HDAC8: variants seen among roughly 807,000 people sequenced by gnomAD.
HDAC8 encodes the protein histone deacetylase 8.
A neutral mutation model predicts 32.2 loss-of-function variants in HDAC8; 1 was observed. That is an observed-to-expected ratio of 0.03 (90% CI 0.01 to 0.15). The LOEUF is 0.15. HDAC8 is among the 10% of genes least tolerant of loss of function. HDAC8 has a pLI of 1.00. For synonymous variants in HDAC8, 108 were observed against 113.9 expected (o/e 0.95, Z 0.33); for missense variants, 117 against 300.0 (o/e 0.39, Z 4.51).
chrX:72,509,187 A>G (rs1308724359), intron 4 of HDAC8, among the ~76,000 whole-genome samples: 1 of 107,759 alleles, frequency 9.3e-6, no homozygotes, highest in Non-Finnish European at 1.9e-5. Flanking sequence ...CGCAACCTCC[A>G]CCTCTCCACC....
chrX:72,416,989 T>C (rs1160354106), intron 9 of HDAC8, among the ~76,000 whole-genome samples: 1 of 111,460 alleles, frequency 9.0e-6, no homozygotes, highest in Non-Finnish European at 1.9e-5. Context: ...TTTTTAATTG[T>C]TTTAATATTA....
At chrX:72,386,234 A>G (rs1260561718) in intron 9 of HDAC8, among the ~76,000 whole-genome samples, 1 of 112,204 alleles carries the variant, frequency 8.9e-6, no homozygotes, top group Admixed American at 9.4e-5. Context: ...TATTGAATGA[A>G]AAAAGCAGAT....
chrX:72,511,016 T>C (rs2049565170), intron 4 of HDAC8, among the ~76,000 whole-genome samples: 1 of 111,661 alleles, frequency 9.0e-6, no homozygotes, highest in Admixed American at 9.5e-5. Flanking sequence ...ATTTAGTCAC[T>C]ATCCTCTATC....
chrX:72,550,877 G>C (rs1328802998), intron 4 of HDAC8, among the ~76,000 whole-genome samples: 7 of 110,760 alleles, frequency 6.3e-5, no homozygotes, highest in African/African-American at 2.3e-4. Context: ...GCCCTCAAGT[G>C]TTTGCTAATG....
In HDAC8 at chrX:72,467,707, C is replaced by A. The variant is rs782215809; in HGVS notation, c.738-2976G>T. On this transcript the variant is annotated intron_variant, in intron 7 of 10. Coordinates refer to ENST00000373573, the MANE Select transcript of HDAC8 (RefSeq NM_018486.3). ...TGCTTTGAAGGCATAATTAGATTTC[C>A]ATTTTAAAGATACTCAAGCTCTATT... The A allele has an allele frequency of 1.3e-5, 4 of 311,592 alleles. No homozygotes were observed. In the Admixed American group the frequency reaches 2.6e-4, roughly 20 times the overall value. The allele number at this position is 311,592 out of a possible 1,213,427, so 25.7% of individuals were successfully genotyped here. A position where few individuals can be genotyped will look rare whatever the true frequency, so the allele number is the denominator to read the frequency against.
intron 4 of HDAC8, among the ~76,000 whole-genome samples, chrX:72,537,673 T>C (rs150132563): frequency 0.027 from 3,000 of 112,141 alleles, 52 homozygotes; most frequent in Non-Finnish European, 0.043. Context: ...TTGTTAGTTG[T>C]CTGGAATAAA....
intron 9 of HDAC8, among the ~76,000 whole-genome samples, chrX:72,424,773 T>C (rs908863089): frequency 3.6e-5 from 4 of 112,007 alleles, no homozygotes; most frequent in Non-Finnish European, 7.5e-5. Context: ...TCTATGACTT[T>C]GCCTATTGTA....
chrX:72,392,582 C>A (rs782013594), intron 9 of HDAC8, among the ~76,000 whole-genome samples: 3 of 112,184 alleles, frequency 2.7e-5, no homozygotes, highest in Admixed American at 9.4e-5. Flanking sequence ...TATACACTTG[C>A]TGTTTGTAAA....
intron 4 of HDAC8, among the ~76,000 whole-genome samples, chrX:72,497,420 A>T (rs890590897): frequency 2.7e-5 from 3 of 112,004 alleles, no homozygotes; most frequent in Non-Finnish European, 3.8e-5. Flanking sequence ...ATGCTAAAAA[A>T]AGTATTCCTA....
At chrX:72,416,428 TTTTTTTTTTTTTTTTTG>T in intron 9 of HDAC8, among the ~76,000 whole-genome samples, 1 of 84,194 alleles carries the variant, frequency 1.2e-5, no homozygotes, top group African/African-American at 4.4e-5. Context: ...TTTTTTTTTT[TTTTTTTTTTTTTTTTTG>T]GTCACTCTTA....
intron 9 of HDAC8, among the ~76,000 whole-genome samples, chrX:72,362,545 G>C (rs2044584525): frequency 8.9e-6 from 1 of 112,284 alleles, no homozygotes; most frequent in Non-Finnish European, 1.9e-5. Flanking sequence ...TGGTATTCTT[G>C]TTTGTAAAAT....
At chrX:72,437,902 G>A (rs2046999164) in intron 9 of HDAC8, among the ~76,000 whole-genome samples, 1 of 112,243 alleles carries the variant, frequency 8.9e-6, no homozygotes, top group African/African-American at 3.2e-5. Flanking sequence ...TGAAGGGGCG[G>A]CTGTGGGTGC....
chrX:72,422,027 C>T (rs1249440517), intron 9 of HDAC8, among the ~76,000 whole-genome samples: 1 of 111,013 alleles, frequency 9.0e-6, no homozygotes, highest in East Asian at 2.8e-4. Flanking sequence ...AGTTATGAAC[C>T]TTATTGAGAA....
At chrX:72,357,504 G>T (rs957774321) in intron 9 of HDAC8, among the ~76,000 whole-genome samples, 1 of 111,024 alleles carries the variant, frequency 9.0e-6, no homozygotes, top group African/African-American at 3.3e-5. Context: ...AGTGGAAACA[G>T]TTCTGGCGAC....
intron 4 of HDAC8, among the ~76,000 whole-genome samples, chrX:72,535,203 T>C (rs1056086861): frequency 5.4e-5 from 6 of 112,099 alleles, no homozygotes; most frequent in African/African-American, 1.9e-4. Flanking sequence ...GTCGCTTCAT[T>C]AAATGATGCT....
chrX:72,459,175 C>T (rs1437886913), intron 9 of HDAC8, among the ~76,000 whole-genome samples: 4 of 111,717 alleles, frequency 3.6e-5, no homozygotes, highest in South Asian at 3.8e-4. Context: ...TTTATTAGAT[C>T]GTGAGATTTT....
chrX:72,565,280 A>G (rs782604966), intron 4 of HDAC8, among the ~76,000 whole-genome samples: 1 of 112,295 alleles, frequency 8.9e-6, no homozygotes, highest in Admixed American at 9.4e-5. Flanking sequence ...GTTTAAGCAA[A>G]TATTGTGATT....
chrX:72,461,719 C>A (rs1027703452), intron 9 of HDAC8, among the ~76,000 whole-genome samples: 1 of 111,612 alleles, frequency 9.0e-6, no homozygotes, highest in Non-Finnish European at 1.9e-5. Flanking sequence ...TGCACATATT[C>A]CAAAGAATTC....
At chrX:72,355,799 T>C (rs189452473) in intron 9 of HDAC8, among the ~76,000 whole-genome samples, 88 of 112,060 alleles carry the variant, frequency 7.9e-4, no homozygotes, top group East Asian at 1.4e-3. Context: ...ATAATCATGT[T>C]TGATTAGAGG....
Sources: gnomAD v4.1 joint callset for allele counts (sites outside exome capture counted in the v4.1 genomes callset) on GRCh38, gnomAD v4.1.1 for gene constraint, MANE v1.5 for transcripts, NCBI Gene and HGNC (gene_info 2026-07-23, HGNC 2026-07-21) for gene names.